Variants in LRP1B observed in about 807,000 individuals in gnomAD.
LRP1B encodes the protein low-density lipoprotein receptor-related protein 1B.
In LRP1B, 217 loss-of-function variants were observed where a neutral mutation model predicts 556.6. The observed-to-expected ratio is 0.39, with a 90% CI of 0.35 to 0.44. LRP1B has a LOEUF of 0.44. Ranked by LOEUF, LRP1B falls within the 20% of genes least tolerant of loss-of-function variation. The probability of loss-of-function intolerance (pLI) is 1.00; values close to 1 mark genes in which losing one functional copy is unlikely to be tolerated. For synonymous variants in LRP1B, 2,047 were observed against 1,865.8 expected (o/e 1.10, Z -2.50); for missense variants, 5,053 against 5,620.8 (o/e 0.90, Z 3.23).
At chr2:141,435,349 C>A (rs1680724990) in intron 3 of LRP1B, among the ~76,000 whole-genome samples, 1 of 151,562 alleles carries the variant, frequency 6.6e-6, no homozygotes, top group Non-Finnish European at 1.5e-5. Context: ...CTTCCCACCC[C>A]AAGAGTTGGC....
In LRP1B at chr2:141,085,636, A is replaced by T. The variant is rs562803441; in HGVS notation, c.1014-23363T>A. Among the ~76,000 whole-genome samples the T allele has an allele frequency of 2.0e-5, 3 of 152,292 alleles. No individual in the cohort carries two copies. In the South Asian group the frequency reaches 6.2e-4, roughly 32 times the overall value. The stretch of plus-strand genomic sequence containing the variant: ...AGCCTTCAGAACCGTGACAAAACGA[A>T]TTTCTGTTGTTTAAGCCACCAAGTC... On this transcript the variant is annotated intron_variant, in intron 7 of 90. Transcript: ENST00000389484.
chr2:141,003,407 G>A (rs1354955542), intron 15 of LRP1B, among the ~76,000 whole-genome samples: 1 of 151,986 alleles, frequency 6.6e-6, no homozygotes, highest in African/African-American at 2.4e-5. Context: ...TGGTGATACG[G>A]TTTGGCTGTG....
intron 7 of LRP1B, among the ~76,000 whole-genome samples, chr2:141,131,132 T>C (rs1327488032): frequency 6.6e-6 from 1 of 152,002 alleles, no homozygotes; most frequent in Admixed American, 6.6e-5. Flanking sequence ...TCCCAGAACT[T>C]AAAATACAAT....
At position 142,115,622 on chromosome 2, in the gene LRP1B, AAT is replaced by A. The variant is rs1295393845; in HGVS notation, c.82+15024_82+15025del. ...TATGTAATATATATTATATATATGT[AAT>A]ATATATATTATATATGTAATATATA... On this transcript the variant is annotated intron_variant, in intron 1 of 90. Transcript: ENST00000389484. Among the ~76,000 whole-genome samples the A allele has an allele frequency of 4.0e-4, 13 of 32,642 alleles. 2 individuals carry two copies. Among genetic ancestry groups the A allele is most frequent in the African/African-American group, 1.1e-3 (11 of 10,158 alleles). The allele number at this position is 32,642 out of a possible 152,430, so 21.4% of individuals were successfully genotyped here. A position where few individuals can be genotyped will look rare whatever the true frequency, so the allele number is the denominator to read the frequency against.
At chr2:142,114,755 T>A (rs1707122113) in intron 1 of LRP1B, among the ~76,000 whole-genome samples, 1 of 151,946 alleles carries the variant, frequency 6.6e-6, no homozygotes, top group Non-Finnish European at 1.5e-5. Flanking sequence ...CCGGGAAAGG[T>A]GTGCTAGGGT....
chr2:141,312,737 G>A (rs1460985771), intron 3 of LRP1B, among the ~76,000 whole-genome samples: 1 of 151,044 alleles, frequency 6.6e-6, no homozygotes, highest in Non-Finnish European at 1.5e-5. Context: ...CTCCCAGTCT[G>A]GAGTACAGTG....
intron 83 of LRP1B, among the ~76,000 whole-genome samples, chr2:140,305,680 C>T (rs915308054): frequency 5.3e-5 from 8 of 152,220 alleles, no homozygotes; most frequent in Non-Finnish European, 7.4e-5. Context: ...CCAGAACTTG[C>T]AACACTATGT....
chr2:141,485,264 C>A (rs984253145), intron 2 of LRP1B, among the ~76,000 whole-genome samples: 4 of 152,128 alleles, frequency 2.6e-5, no homozygotes, highest in Admixed American at 2.0e-4. Context: ...ACAGCTGGAT[C>A]ATGGCTGGAT....
intron 54 of LRP1B, 104 bp from the exon 55 acceptor site, chr2:140,501,978 C>G: frequency 1.3e-6 from 1 of 768,238 alleles, no homozygotes; most frequent in Non-Finnish European, 2.0e-6. Flanking sequence ...TGTCAAAAAT[C>G]ATAATATAAG....
chr2:140,311,080 T>C (rs1195113083), intron 83 of LRP1B, among the ~76,000 whole-genome samples: 1 of 151,900 alleles, frequency 6.6e-6, no homozygotes, highest in Non-Finnish European at 1.5e-5. Flanking sequence ...TTGGTGGGAA[T>C]GTAAATTAGT....
chr2:141,676,511 C>T (rs1690887098), intron 2 of LRP1B, among the ~76,000 whole-genome samples: 2 of 152,104 alleles, frequency 1.3e-5, no homozygotes, highest in Admixed American at 1.3e-4. Context: ...CTCAGAATAC[C>T]TATGTTAATT....
chr2:140,743,099 C>A (rs751459106), intron 35 of LRP1B, among the ~76,000 whole-genome samples: 1 of 151,922 alleles, frequency 6.6e-6, no homozygotes, highest in Non-Finnish European at 1.5e-5. Flanking sequence ...GCCAAAATAA[C>A]CTTGTATTTC....
intron 1 of LRP1B, among the ~76,000 whole-genome samples, chr2:141,923,487 T>TGTGG (rs1553485502): frequency 3.4e-5 from 2 of 58,374 alleles, no homozygotes; most frequent in East Asian, 5.9e-4. Flanking sequence ...TGTGTGTGTG[T>TGTGG]AGAGAGAGGG....
chr2:140,762,933 C>A (rs1001462218), intron 35 of LRP1B, among the ~76,000 whole-genome samples: 1 of 151,976 alleles, frequency 6.6e-6, no homozygotes, highest in African/African-American at 2.4e-5. Context: ...GTTGAAGATA[C>A]TAAAGGTACC....
intron 2 of LRP1B, among the ~76,000 whole-genome samples, chr2:141,752,033 C>T (rs1262256654): frequency 6.6e-6 from 1 of 151,570 alleles, no homozygotes; most frequent in Non-Finnish European, 1.5e-5. Context: ...ATCTAAATTA[C>T]AGATTATGAC....
intron 3 of LRP1B, among the ~76,000 whole-genome samples, chr2:141,259,899 AT>A (rs10714277): frequency 0.28 from 42,298 of 152,026 alleles, 6,371 homozygotes; most frequent in Middle Eastern, 0.45. Context: ...TATCATAATC[AT>A]TTTTTATCAG....
At chr2:141,294,500 AT>A in intron 3 of LRP1B, among the ~76,000 whole-genome samples, 1 of 151,908 alleles carries the variant, frequency 6.6e-6, no homozygotes, top group East Asian at 1.9e-4. Flanking sequence ...TGGTGGGAGG[AT>A]TGCTCCAGGC....
chr2:141,303,140 T>C (rs1686458832), intron 3 of LRP1B, among the ~76,000 whole-genome samples: 3 of 152,118 alleles, frequency 2.0e-5, no homozygotes, highest in Admixed American at 1.3e-4. Context: ...TTTATATATG[T>C]ATATTTAATT....
chr2:140,763,717 G>A (rs1300183279), intron 35 of LRP1B, among the ~76,000 whole-genome samples: 1 of 152,016 alleles, frequency 6.6e-6, no homozygotes, highest in African/African-American at 2.4e-5. Flanking sequence ...GATATTTCCA[G>A]TAATTTACTT....
Sources: gnomAD v4.1 joint callset for allele counts (sites outside exome capture counted in the v4.1 genomes callset) on GRCh38, gnomAD v4.1.1 for gene constraint, MANE v1.5 for transcripts, NCBI Gene and HGNC (gene_info 2026-07-23, HGNC 2026-07-21) for gene names.